The following SSBP2 variants were observed in gnomAD, a reference collection of about 807,000 sequenced individuals.
The protein encoded by SSBP2 is single stranded DNA binding protein 2.
A neutral mutation model predicts 61.8 loss-of-function variants in SSBP2; 17 were observed. That is an observed-to-expected ratio of 0.28 (90% CI 0.19 to 0.41). The LOEUF is 0.41. Ranked by LOEUF, SSBP2 falls within the 10% of genes least tolerant of loss-of-function variation. SSBP2 has a pLI of 1.00. For missense variants in SSBP2, 310 were observed against 458.7 expected, an observed-to-expected ratio of 0.68 and a Z score of 2.96; for synonymous variants, 139 against 141.3, an observed-to-expected ratio of 0.98 and a Z score of 0.12.
At chr5:81,427,138 T>A (rs1762004115) in intron 16 of SSBP2, among the ~76,000 whole-genome samples, 1 of 152,166 alleles carries the variant, frequency 6.6e-6, no homozygotes, top group South Asian at 2.1e-4. Flanking sequence ...CTGGTAAAAT[T>A]ACTCGAAAAG....
chr5:81,702,374 A>AAACAAAC (rs527878053), intron 1 of SSBP2, among the ~76,000 whole-genome samples: 3 of 152,002 alleles, frequency 2.0e-5, no homozygotes, highest in Admixed American at 1.3e-4. Context: ...CCATCTCAAA[A>AAACAAAC]AAACAAACAA....
chr5:81,477,326 A>G (rs928431706), intron 6 of SSBP2, among the ~76,000 whole-genome samples: 3 of 152,142 alleles, frequency 2.0e-5, no homozygotes, highest in African/African-American at 4.8e-5. Context: ...TTCTATGTCT[A>G]TTTGTGTGTG....
At chr5:81,743,068 A>G (rs1757133498) in intron 1 of SSBP2, among the ~76,000 whole-genome samples, 1 of 152,184 alleles carries the variant, frequency 6.6e-6, no homozygotes, top group Non-Finnish European at 1.5e-5. Context: ...TCATCATTAT[A>G]AAAGCCCCAC....
intron 1 of SSBP2, among the ~76,000 whole-genome samples, chr5:81,720,112 A>C (rs1755448801): frequency 6.6e-6 from 1 of 152,114 alleles, no homozygotes; most frequent in East Asian, 1.9e-4. Flanking sequence ...GAAAATAAAA[A>C]ATATGGATGA....
At chr5:81,438,483 C>CA (rs1442865475) in intron 14 of SSBP2, among the ~76,000 whole-genome samples, 1 of 151,836 alleles carries the variant, frequency 6.6e-6, no homozygotes, top group African/African-American at 2.4e-5. Context: ...AATAATATAA[C>CA]ATTTTAGTAG....
intron 4 of SSBP2, among the ~76,000 whole-genome samples, chr5:81,520,090 T>C (rs542824719): frequency 6.6e-6 from 1 of 151,976 alleles, no homozygotes; most frequent in Admixed American, 6.6e-5. Flanking sequence ...GTTCAAGTAA[T>C]TCTCCTGTCT....
intron 1 of SSBP2, among the ~76,000 whole-genome samples, chr5:81,653,800 G>A (rs1191902435): frequency 6.6e-6 from 1 of 151,860 alleles, no homozygotes; most frequent in East Asian, 1.9e-4. Flanking sequence ...GTTTTTTCTT[G>A]TAAATTTATT....
intron 3 of SSBP2, among the ~76,000 whole-genome samples, chr5:81,620,390 C>T (rs1242955059): frequency 6.6e-6 from 1 of 150,668 alleles, no homozygotes; most frequent in Non-Finnish European, 1.5e-5. Flanking sequence ...AGGAATCCAA[C>T]TTACAAGGGA....
rs946099591 is a variant in SSBP2 at position 81,609,967 on chromosome 5, G to A, written c.282+5506C>T. ...CACCCTTGCATACTCTCTCCACTGA[G>A]AACTGTTTCATTGCTCAACAAAATT... On this transcript the variant is annotated intron_variant, in intron 4 of 16. Coordinates refer to ENST00000320672, the MANE Select transcript of SSBP2 (RefSeq NM_012446.5). Among the ~76,000 whole-genome samples the A allele has an allele frequency of 5.3e-5, 8 of 152,170 alleles. 1 individual carries two copies. Among genetic ancestry groups the A allele is most frequent in the African/African-American group, 1.9e-4 (8 of 41,434 alleles).
chr5:81,552,639 T>TAAAAAAAAAAAAAAAAAAAAAAAAA (rs33979294), intron 4 of SSBP2, among the ~76,000 whole-genome samples: 2 of 115,918 alleles, frequency 1.7e-5, no homozygotes, highest in Non-Finnish European at 3.6e-5. Context: ...CTATGTCTCT[T>TAAAAAAAAAAAAAAAAAAAAAAAAA]AAAAAAAAAA....
intron 13 of SSBP2, among the ~76,000 whole-genome samples, chr5:81,441,106 A>C (rs13176643): frequency 6.6e-6 from 1 of 152,222 alleles, no homozygotes; most frequent in African/African-American, 2.4e-5. Context: ...CATAATAAAT[A>C]ATTTCATCTT....
chr5:81,450,653 A>G (rs915899783), intron 10 of SSBP2, among the ~76,000 whole-genome samples: 2 of 151,994 alleles, frequency 1.3e-5, no homozygotes, highest in African/African-American at 4.8e-5. Context: ...TACAAAAATT[A>G]CTCTATATTC....
chr5:81,738,889 G>A (rs1052716337), intron 1 of SSBP2, among the ~76,000 whole-genome samples: 3 of 152,108 alleles, frequency 2.0e-5, no homozygotes, highest in Non-Finnish European at 2.9e-5. Flanking sequence ...CTCAGGGCGG[G>A]CACAGTGGCC....
rs778865989 is a variant in SSBP2 at position 81,751,044 on chromosome 5, C to T, written c.-2G>A. 4 of 1,593,410 alleles carry T rather than the reference C, an allele frequency of 2.5e-6. No individual in the cohort carries two copies. The highest frequency in any genetic ancestry group is 1.3e-5 in the African/African-American group (1 of 74,572). ...GTTACTCTTGCCTTTGCCGTACATG[C>T]TTGTGCCGAGAGCAGCTCCCACTGT... On this transcript the variant is annotated 5_prime_UTR_variant, in exon 1 of 17. Coordinates refer to ENST00000320672, the MANE Select transcript of SSBP2 (RefSeq NM_012446.5).
rs571059712 is a variant in SSBP2, at chr5:81,573,554, AAAGATCATTTTAAATCATCTCACTCCC to A, written c.282+41892_282+41918del. 2.5e-4 allele frequency among the ~76,000 whole-genome samples: 38 copies of A among 152,364 alleles called. No homozygotes were observed. In the South Asian group the frequency reaches 6.0e-3, roughly 24 times the overall value. On this transcript the variant is annotated intron_variant, in intron 4 of 16. Coordinates refer to ENST00000320672, the MANE Select transcript of SSBP2 (RefSeq NM_012446.5). ...GGCATAGATATCACTCATAGGAAATAAAGATCATTTTAAATCATCTCACTCCCTTGGTTGGTTTACAATGATCTGAAA... is the reference window on the plus strand; with the variant it reads ...GGCATAGATATCACTCATAGGAAATATTGGTTGGTTTACAATGATCTGAAA...
intron 4 of SSBP2, among the ~76,000 whole-genome samples, chr5:81,538,696 T>C (rs1329091802): frequency 6.6e-6 from 1 of 152,232 alleles, no homozygotes; most frequent in East Asian, 1.9e-4. Flanking sequence ...TTTACCATTC[T>C]GAAAATCCTA....
At chr5:81,696,794 T>G (rs532479311) in intron 1 of SSBP2, among the ~76,000 whole-genome samples, 1 of 152,172 alleles carries the variant, frequency 6.6e-6, no homozygotes, top group East Asian at 1.9e-4. Flanking sequence ...TTTCCTACAC[T>G]AAGAAACACG....
chr5:81,585,869 T>C (rs1393417114), intron 4 of SSBP2, among the ~76,000 whole-genome samples: 2 of 152,122 alleles, frequency 1.3e-5, no homozygotes, highest in Non-Finnish European at 2.9e-5. Context: ...TATGAGTTCA[T>C]TTTTTTAGAT....
intron 15 of SSBP2, among the ~76,000 whole-genome samples, chr5:81,433,309 C>T (rs573445039): frequency 1.9e-3 from 282 of 152,102 alleles, no homozygotes; most frequent in Non-Finnish European, 3.2e-3. Flanking sequence ...TGACCTTACC[C>T]CCAACCCTGT....
Sources: allele counts gnomAD v4.1 joint callset (sites outside exome capture counted in the v4.1 genomes callset), GRCh38; gene constraint gnomAD v4.1.1; transcripts MANE v1.5; gene names NCBI Gene and HGNC (gene_info 2026-07-23, HGNC 2026-07-21).